CYB5R4: variants seen among roughly 807,000 people sequenced by gnomAD.
CYB5R4 encodes N-terminal cytochrome b5 and cytochrome b5 oxidoreductase domain-containing protein.
In CYB5R4, 55 loss-of-function variants were observed where a neutral mutation model predicts 70.2. That is an observed-to-expected ratio of 0.78 (90% confidence interval 0.63 to 0.98). The LOEUF is 0.98. Ranked by LOEUF, CYB5R4 falls within the 50% of genes least tolerant of loss-of-function variation. The pLI, the probability that CYB5R4 is intolerant of heterozygous loss-of-function variation, is 0.00. For missense variants in CYB5R4, 562 were observed against 612.6 expected (o/e 0.92, Z 0.87); for synonymous variants, 197 against 199.5 (o/e 0.99, Z 0.11).
chr6:83,906,559 A>G (rs921098149), intron 3 of CYB5R4, among the ~76,000 whole-genome samples: 9 of 152,144 alleles, frequency 5.9e-5, no homozygotes, highest in Admixed American at 6.5e-5. Flanking sequence ...GTAGACTGCT[A>G]AAGTTCTCCA....
Position 83,921,116 on chromosome 6 carries a change from A to G in CYB5R4, c.599A>G (p.Gln200Arg). ...TTAGACTCAATAATAGTTGATCATC[A>G]GAATGATTCCTTTAGAGCAGAAACA... is the stretch of plus-strand genomic sequence containing the variant. ...INLDSIIVDH[Q>R]NDSFRAETII... The change falls in exon 8 of 16, where the codon CAG becomes CGG. Residue 200 changes from glutamine to arginine, a missense_variant. Physicochemically the swap from Gln to Arg is conservative, Grantham distance 43. Transcript: ENST00000369681. 6.5e-7 allele frequency: 1 copy of G among 1,532,774 alleles called. No individual in the cohort carries two copies. The allele number at this position is 1,532,774 out of a possible 1,614,324, so 94.9% of individuals were successfully genotyped here.
At chr6:83,879,405 G>A (rs927280675) in intron 2 of CYB5R4, among the ~76,000 whole-genome samples, 6 of 152,128 alleles carry the variant, frequency 3.9e-5, no homozygotes, top group Non-Finnish European at 8.8e-5. Context: ...TAGTGTCAGT[G>A]CAGGATAAGG....
chr6:83,896,393 T>C (rs1169042376), intron 3 of CYB5R4, among the ~76,000 whole-genome samples: 2 of 152,182 alleles, frequency 1.3e-5, no homozygotes, highest in Admixed American at 1.3e-4. Context: ...TAAAAGAATA[T>C]ATCAGGGTAA....
chr6:83,949,247 G>T (rs897688619), intron 14 of CYB5R4, among the ~76,000 whole-genome samples: 3 of 151,748 alleles, frequency 2.0e-5, no homozygotes, highest in African/African-American at 7.3e-5. Context: ...AAACATAGGA[G>T]AACCCTGGCC....
intron 15 of CYB5R4, among the ~76,000 whole-genome samples, chr6:83,956,438 G>C (rs2099472437): frequency 6.6e-6 from 1 of 152,132 alleles, no homozygotes; most frequent in African/African-American, 2.4e-5. Context: ...GTTGACAATT[G>C]GTTGAGTTTG....
In CYB5R4 at chr6:83,959,932, T is replaced by C. The variant is rs973364541; in HGVS notation, c.*54T>C. On this transcript the variant is annotated 3_prime_UTR_variant, in exon 16 of 16. Transcript: ENST00000369681. ...CTAGTTTATCTAAATTTGTGATTGCTTAGGGTTTTTTAAGAGAACATTTTT... is the reference window on the plus strand; with the variant it reads ...CTAGTTTATCTAAATTTGTGATTGCCTAGGGTTTTTTAAGAGAACATTTTT... 15 of 1,391,130 alleles carry C rather than the reference T, an allele frequency of 1.1e-5. No individual in the cohort carries two copies. In the Admixed American group the frequency reaches 3.3e-4, roughly 31 times the overall value. 86.2% of individuals were successfully genotyped at this position (1,391,130 alleles called of 1,614,324 possible).
At chr6:83,932,570 G>A (rs1588580721) in intron 10 of CYB5R4, among the ~76,000 whole-genome samples, 3 of 152,152 alleles carry the variant, frequency 2.0e-5, no homozygotes, top group Admixed American at 1.3e-4. Flanking sequence ...AGAGCCCCAC[G>A]TGACTGTCTC....
At chr6:83,889,897 A>C (rs567068221) in intron 2 of CYB5R4, among the ~76,000 whole-genome samples, 1 of 152,210 alleles carries the variant, frequency 6.6e-6, no homozygotes, top group East Asian at 1.9e-4. Flanking sequence ...CTTTTAAATG[A>C]CCAGATTCTT....
intron 2 of CYB5R4, among the ~76,000 whole-genome samples, chr6:83,876,972 C>T (rs1458784302): frequency 6.6e-6 from 1 of 152,076 alleles, no homozygotes; most frequent in Non-Finnish European, 1.5e-5. Flanking sequence ...TCTGGGAGTA[C>T]AGGCGTGTGC....
Position 83,873,235 on chromosome 6 carries a change from CT to C in CYB5R4, c.229+8931del, listed in dbSNP as rs927399068. ...GTTAAGAATCATATAGGGTATCCTTCTTTTTTTTTTTTTTTTTTTTTTTTGA... is the reference window on the plus strand; with the variant it reads ...GTTAAGAATCATATAGGGTATCCTTCTTTTTTTTTTTTTTTTTTTTTTTGA... On this transcript the variant is annotated intron_variant, in intron 2 of 15. Coordinates refer to ENST00000369681, the MANE Select transcript of CYB5R4 (RefSeq NM_016230.4). 4.8e-3 allele frequency among the ~76,000 whole-genome samples: 479 copies of C among 99,764 alleles called. 3 individuals carry two copies. The highest frequency in any genetic ancestry group is 9.7e-3 in the African/African-American group (227 of 23,364). The allele number at this position is 99,764 out of a possible 152,430, so 65.4% of individuals were successfully genotyped here. A position where few individuals can be genotyped will look rare whatever the true frequency, so the allele number is the denominator to read the frequency against.
intron 14 of CYB5R4, among the ~76,000 whole-genome samples, chr6:83,946,869 C>T (rs1452438257): frequency 1.3e-5 from 2 of 152,048 alleles, no homozygotes; most frequent in Admixed American, 1.3e-4. Context: ...ATGTGAAGGA[C>T]GTCTTCAAGG....
At chr6:83,932,070 G>A (rs2099468231) in intron 10 of CYB5R4, among the ~76,000 whole-genome samples, 1 of 151,448 alleles carries the variant, frequency 6.6e-6, no homozygotes, top group Admixed American at 6.6e-5. Context: ...TTGTCCTTGT[G>A]ATAGTTTGCT....
chr6:83,919,891 G>A (rs151185335), intron 7 of CYB5R4, among the ~76,000 whole-genome samples: 13 of 150,078 alleles, frequency 8.7e-5, no homozygotes, highest in East Asian at 6.1e-4. Flanking sequence ...AAGGTATTTC[G>A]CTGTGGCTGT....
At position 83,960,951 on chromosome 6, in the gene CYB5R4, T is replaced by A. The variant is rs776915183; in HGVS notation, c.*1073T>A. ...GGAAACTGTTGAATGCATAGGTAGCTACTGTATAAGCTAACTAGGATTTTT... is the reference window on the plus strand; with the variant it reads ...GGAAACTGTTGAATGCATAGGTAGCAACTGTATAAGCTAACTAGGATTTTT... On this transcript the variant is annotated 3_prime_UTR_variant, in exon 16 of 16. Coordinates refer to ENST00000369681, the MANE Select transcript of CYB5R4 (RefSeq NM_016230.4). The A allele has an allele frequency of 8.5e-5, 13 of 152,256 alleles. No homozygotes were observed. The highest frequency in any genetic ancestry group is 1.6e-4 in the Non-Finnish European group (11 of 68,044). 9.4% of individuals were successfully genotyped at this position (152,256 alleles called of 1,614,324 possible).
intron 7 of CYB5R4, among the ~76,000 whole-genome samples, chr6:83,920,582 A>G (rs979910326): frequency 1.3e-5 from 2 of 152,130 alleles, no homozygotes; most frequent in African/African-American, 2.4e-5. Flanking sequence ...CACCAAGGCT[A>G]TGTAGAAGTT....
chr6:83,931,624 GC>G (rs1355706137), intron 10 of CYB5R4, among the ~76,000 whole-genome samples: 1 of 151,886 alleles, frequency 6.6e-6, no homozygotes, highest in Non-Finnish European at 1.5e-5. Context: ...GGTATTTGGG[GC>G]AGTAATGTTT....
chr6:83,859,703 C>A lies in CYB5R4; in HGVS notation c.-80C>A. 2 of 1,508,774 alleles carry A rather than the reference C, an allele frequency of 1.3e-6. No individual in the cohort carries two copies. The highest frequency in any genetic ancestry group is 1.8e-5 in the Admixed American group (1 of 56,938). The allele number at this position is 1,508,774 out of a possible 1,614,324, so 93.5% of individuals were successfully genotyped here. ...AAGTGGGTCGGGGGCTTGGCCTCTGCCCGGCCACAGAGCCGGAGCTGGAGG... is the reference window on the plus strand; with the variant it reads ...AAGTGGGTCGGGGGCTTGGCCTCTGACCGGCCACAGAGCCGGAGCTGGAGG... On this transcript the variant is annotated 5_prime_UTR_variant, in exon 1 of 16. Coordinates refer to ENST00000369681, the MANE Select transcript of CYB5R4 (RefSeq NM_016230.4).
At chr6:83,931,220 A>G (rs1040796181) in intron 10 of CYB5R4, among the ~76,000 whole-genome samples, 1 of 152,260 alleles carries the variant, frequency 6.6e-6, no homozygotes, top group Non-Finnish European at 1.5e-5. Flanking sequence ...AGGCCTACTG[A>G]GTTGGGACAA....
chr6:83,963,981 G>A lies in CYB5R4; in HGVS notation c.*4103G>A, dbSNP rs530058521. Reference sequence around the variant, plus strand: ...ATCTTACTCATTTTCTCTTGCGGCCGCCATGTAAGAAGTGCCTTTCACCTC... The same window carrying A: ...ATCTTACTCATTTTCTCTTGCGGCCACCATGTAAGAAGTGCCTTTCACCTC... On this transcript the variant is annotated 3_prime_UTR_variant, in exon 16 of 16. Transcript: ENST00000369681. 352 of 220,448 alleles carry A rather than the reference G, an allele frequency of 1.6e-3. 1 individual carries two copies. Among genetic ancestry groups the A allele is most frequent in the Non-Finnish European group, 2.3e-3 (264 of 114,520 alleles). The allele number at this position is 220,448 out of a possible 1,614,324, so 13.7% of individuals were successfully genotyped here.
Sources: allele counts gnomAD v4.1 joint callset (sites outside exome capture counted in the v4.1 genomes callset), GRCh38; gene constraint gnomAD v4.1.1; transcripts MANE v1.5; gene names NCBI Gene and HGNC (gene_info 2026-07-23, HGNC 2026-07-21).